ADGRB1: variants seen among roughly 807,000 people sequenced by gnomAD.
ADGRB1 encodes the protein adhesion G protein-coupled receptor B1, also known as brain-specific angiogenesis inhibitor 1.
In ADGRB1, 36 loss-of-function variants were observed where a neutral mutation model predicts 175.7. The observed-to-expected ratio is 0.20, with a 90% CI of 0.16 to 0.27. The LOEUF is 0.27. Ranked by LOEUF, ADGRB1 falls within the 10% of genes least tolerant of loss-of-function variation. The pLI, the probability that ADGRB1 is intolerant of heterozygous loss-of-function variation, is 1.00. For missense variants in ADGRB1, 1,731 were observed against 2,255.3 expected (o/e 0.77, Z 4.71); for synonymous variants, 1,054 against 979.4 (o/e 1.08, Z -1.42).
intron 26 of ADGRB1, 61 bp from the exon 27 acceptor site, chr8:142,539,313 C>T (rs375217312): frequency 7.4e-5 from 113 of 1,531,302 alleles, no homozygotes; most frequent in Middle Eastern, 3.4e-4. Flanking sequence ...GGTCTGTGCA[C>T]GCGTGCACAC....
intron 17 of ADGRB1, among the ~76,000 whole-genome samples, chr8:142,507,093 C>T (rs1842884673): frequency 6.6e-6 from 1 of 152,244 alleles, no homozygotes; most frequent in African/African-American, 2.4e-5. Flanking sequence ...ATCGCTGCTT[C>T]CCTGAGCCTT....
chr8:142,488,267 A>G, intron 13 of ADGRB1, 97 bp from the exon 14 acceptor site: 1 of 1,510,600 alleles, frequency 6.6e-7, no homozygotes, highest in Non-Finnish European at 9.0e-7. Context: ...ATCAGCCTGC[A>G]CTGCCAGGCC....
chr8:142,529,208 G>A (rs1844432221), intron 24 of ADGRB1, among the ~76,000 whole-genome samples: 1 of 152,198 alleles, frequency 6.6e-6, no homozygotes. Flanking sequence ...GTGCATGTGT[G>A]TGAGTGTGCA....
At chr8:142,479,862 G>T in intron 9 of ADGRB1, 68 bp downstream of exon 9, 1 of 1,481,056 alleles carries the variant, frequency 6.8e-7, no homozygotes, top group East Asian at 2.3e-5. Context: ...CCCACGCTGA[G>T]GTGCTGTCAG....
At chr8:142,458,015 C>T (rs1839775013) in intron 1 of ADGRB1, among the ~76,000 whole-genome samples, 2 of 151,890 alleles carry the variant, frequency 1.3e-5, no homozygotes, top group Non-Finnish European at 1.5e-5. Flanking sequence ...TCCCCCCGTG[C>T]AGTCTTTTCT....
chr8:142,502,244 G>A (rs1222401353), intron 17 of ADGRB1, among the ~76,000 whole-genome samples: 1 of 145,794 alleles, frequency 6.9e-6, no homozygotes, highest in Non-Finnish European at 1.5e-5. Context: ...TGGTGATGGT[G>A]GTGGTGCTGG....
At chr8:142,520,165 TGG>T (rs2132115142) in intron 19 of ADGRB1, among the ~76,000 whole-genome samples, 1 of 124,946 alleles carries the variant, frequency 8.0e-6, no homozygotes, top group South Asian at 2.7e-4. Context: ...GTGGTGGTAG[TGG>T]TAGTGGTTGT....
chr8:142,520,730 G>A (rs1448828659), intron 19 of ADGRB1, 93 bp from the exon 20 acceptor site: 2 of 1,053,596 alleles, frequency 1.9e-6, no homozygotes, highest in South Asian at 1.3e-5. Context: ...CAGGAAGTGG[G>A]GTGGGGCTCT....
intron 23 of ADGRB1, among the ~76,000 whole-genome samples, chr8:142,525,883 G>A (rs1028614691): frequency 6.6e-6 from 1 of 152,152 alleles, no homozygotes; most frequent in African/African-American, 2.4e-5. Context: ...CAGAGAGTAT[G>A]GCCTGAGACT....
At chr8:142,453,000 G>GGGCAGCCCCGGCC (rs1839446928) in intron 1 of ADGRB1, among the ~76,000 whole-genome samples, 1 of 147,842 alleles carries the variant, frequency 6.8e-6, no homozygotes. Flanking sequence ...GCCCCATCTT[G>GGGCAGCCCCGGCC]GGCAGCCCCG....
chr8:142,460,915 G>A (rs1839936469), intron 1 of ADGRB1, among the ~76,000 whole-genome samples: 1 of 150,630 alleles, frequency 6.6e-6, no homozygotes, highest in African/African-American at 2.5e-5. Context: ...CTTCTAAGGG[G>A]CGGTTCTGAT....
At chr8:142,466,807 G>A (rs905655860) in intron 2 of ADGRB1, among the ~76,000 whole-genome samples, 12 of 152,246 alleles carry the variant, frequency 7.9e-5, no homozygotes, top group Admixed American at 4.6e-4. Context: ...TGGGCCCAGC[G>A]GTCACAGGCA....
At chr8:142,480,324 G>C (rs1437489515) in intron 9 of ADGRB1, among the ~76,000 whole-genome samples, 1 of 152,188 alleles carries the variant, frequency 6.6e-6, no homozygotes, top group Non-Finnish European at 1.5e-5. Flanking sequence ...CTTGTTTGCT[G>C]TGTGACATTC....
chr8:142,500,514 CCACGGG>C (rs1842471217), intron 17 of ADGRB1, among the ~76,000 whole-genome samples: 1 of 151,406 alleles, frequency 6.6e-6, no homozygotes, highest in South Asian at 2.1e-4. Flanking sequence ...GGGGTCCAGG[CCACGGG>C]GATGGGCCTG....
chr8:142,480,765 G>A (rs978514206), intron 9 of ADGRB1, among the ~76,000 whole-genome samples: 16 of 152,216 alleles, frequency 1.1e-4, no homozygotes, highest in African/African-American at 3.6e-4. Flanking sequence ...TGTCCTGGGA[G>A]TGAGCTCTGT....
In ADGRB1 at chr8:142,464,862, G is replaced by A. The variant is rs1418841749; in HGVS notation, c.664G>A (p.Gly222Ser). Reference sequence around the variant, plus strand: ...CGCCTGCCTGGGCGGCGAGGCGGGCGGCCCTGCCGCGGGACCCCTGGCCCC... The same window carrying A: ...CGCCTGCCTGGGCGGCGAGGCGGGCAGCCCTGCCGCGGGACCCCTGGCCCC... ...PCACLGGEAG[G>S]PAAGPLAPRG... is the part of the protein sequence containing the mutation. Residue 222 changes from glycine to serine, a missense_variant, in exon 2 of 31, where the codon GGC becomes AGC. By Grantham distance (56) the Gly-to-Ser change is moderately conservative (BLOSUM62 0). Coordinates refer to ENST00000517894, the MANE Select transcript of ADGRB1 (RefSeq NM_001702.3). The A allele has an allele frequency of 6.6e-7, 1 of 1,520,928 alleles. No homozygotes were observed. Among genetic ancestry groups the A allele is most frequent in the Non-Finnish European group, 8.8e-7 (1 of 1,140,158 alleles). The allele number at this position is 1,520,928 out of a possible 1,614,324, so 94.2% of individuals were successfully genotyped here. A position where few individuals can be genotyped will look rare whatever the true frequency, so the allele number is the denominator to read the frequency against.
At chr8:142,462,614 G>A (rs867742794) in intron 1 of ADGRB1, among the ~76,000 whole-genome samples, 2 of 152,248 alleles carry the variant, frequency 1.3e-5, no homozygotes, top group East Asian at 1.9e-4. Context: ...AGCAGTGACC[G>A]ACCTTGTCTT....
intron 26 of ADGRB1, 136 bp from the exon 27 acceptor site, chr8:142,539,238 G>A (rs919361145): frequency 1.2e-6 from 1 of 839,400 alleles, no homozygotes; most frequent in Non-Finnish European, 1.9e-6. Context: ...CCCACGTGGG[G>A]CACTGGGCTG....
At chr8:142,489,007 C>T in intron 14 of ADGRB1, 28 bp from the exon 15 acceptor site, 7 of 1,606,222 alleles carry the variant, frequency 4.4e-6, no homozygotes, top group Non-Finnish European at 5.9e-6. Flanking sequence ...GGATGGCGGG[C>T]CGGGGTTGAC....
Sources: gnomAD v4.1 joint callset for allele counts (sites outside exome capture counted in the v4.1 genomes callset) on GRCh38, gnomAD v4.1.1 for gene constraint, MANE v1.5 for transcripts, NCBI Gene and HGNC (gene_info 2026-07-23, HGNC 2026-07-21) for gene names.